NRXN1: variants seen among roughly 807,000 people sequenced by gnomAD.
NRXN1 encodes the protein neurexin-1.
In NRXN1, 39 loss-of-function variants were observed where a neutral mutation model predicts 150.9. The observed-to-expected ratio is 0.26, with a 90% CI of 0.20 to 0.34. The LOEUF is 0.34. NRXN1 is among the 10% of genes least tolerant of loss of function. NRXN1 has a pLI of 1.00. For missense variants in NRXN1, 1,815 were observed against 1,949.9 expected, an observed-to-expected ratio of 0.93 and a Z score of 1.30; for synonymous variants, 924 against 757.0, an observed-to-expected ratio of 1.22 and a Z score of -3.62.
chr2:50,787,302 G>A (rs538044019), intron 5 of NRXN1, among the ~76,000 whole-genome samples: 2 of 152,152 alleles, frequency 1.3e-5, no homozygotes, highest in East Asian at 3.9e-4. Flanking sequence ...GCTCATGCCT[G>A]TAATCCCAAC....
chr2:50,749,859 G>C (rs972312312), intron 5 of NRXN1, among the ~76,000 whole-genome samples: 2 of 151,964 alleles, frequency 1.3e-5, no homozygotes, highest in Non-Finnish European at 2.9e-5. Flanking sequence ...GGCTGAAATG[G>C]AACTGGAAAT....
At chr2:50,872,252 G>C (rs866217538) in intron 5 of NRXN1, among the ~76,000 whole-genome samples, 3 of 151,806 alleles carry the variant, frequency 2.0e-5, no homozygotes, top group Admixed American at 1.3e-4. Flanking sequence ...AGAGATGTGA[G>C]ACCAAAAGAT....
intron 8 of NRXN1, among the ~76,000 whole-genome samples, chr2:50,600,879 G>T (rs931756154): frequency 1.3e-5 from 2 of 151,830 alleles, no homozygotes; most frequent in Non-Finnish European, 2.9e-5. Context: ...ATGACATGAA[G>T]GATTCTGACA....
chr2:50,260,445 A>G (rs1360915148), intron 17 of NRXN1, among the ~76,000 whole-genome samples: 2 of 151,818 alleles, frequency 1.3e-5, no homozygotes, highest in African/African-American at 4.8e-5. Flanking sequence ...GGAAATGATT[A>G]GGTTTTGGGT....
chr2:50,278,316 A>ATG (rs1659180652), intron 17 of NRXN1, among the ~76,000 whole-genome samples: 1 of 107,706 alleles, frequency 9.3e-6, no homozygotes, highest in Non-Finnish European at 1.7e-5. Flanking sequence ...TTATATATAT[A>ATG]TTATATATAT....
At chr2:50,601,734 T>G (rs913863360) in intron 8 of NRXN1, among the ~76,000 whole-genome samples, 4 of 152,218 alleles carry the variant, frequency 2.6e-5, no homozygotes, top group Non-Finnish European at 5.9e-5. Context: ...AAAAACCATT[T>G]CAGTTTATTC....
intron 18 of NRXN1, among the ~76,000 whole-genome samples, chr2:50,178,456 C>T (rs545415831): frequency 1.7e-4 from 26 of 152,030 alleles, no homozygotes; most frequent in Admixed American, 1.4e-3. Flanking sequence ...TACTTTTTTT[C>T]TACAATACCA....
At chr2:50,759,577 A>G (rs1218858367) in intron 5 of NRXN1, among the ~76,000 whole-genome samples, 1 of 151,962 alleles carries the variant, frequency 6.6e-6, no homozygotes, top group Non-Finnish European at 1.5e-5. Flanking sequence ...AAGAAAAAGC[A>G]TTGAAAATAA....
At chr2:50,367,252 G>T (rs1334898153) in intron 17 of NRXN1, among the ~76,000 whole-genome samples, 1 of 151,922 alleles carries the variant, frequency 6.6e-6, no homozygotes, top group African/African-American at 2.4e-5. Context: ...TGCACCTATA[G>T]TCCCCTTCTT....
chr2:50,881,575 C>T (rs1028398695), intron 5 of NRXN1, among the ~76,000 whole-genome samples: 1 of 151,840 alleles, frequency 6.6e-6, no homozygotes, highest in African/African-American at 2.4e-5. Context: ...AAAGGACACA[C>T]AGGGTTTTCT....
chr2:50,757,273 C>T (rs1038475896), intron 5 of NRXN1, among the ~76,000 whole-genome samples: 2 of 151,602 alleles, frequency 1.3e-5, no homozygotes, highest in African/African-American at 4.8e-5. Flanking sequence ...AGCATATACG[C>T]AGACCGCCAC....
chr2:50,384,132 T>C (rs755937856), intron 17 of NRXN1, among the ~76,000 whole-genome samples: 7 of 152,172 alleles, frequency 4.6e-5, no homozygotes, highest in Non-Finnish European at 7.3e-5. Context: ...TTTTCCTAAG[T>C]GACATCAAGC....
At position 50,143,160 on chromosome 2, in the gene NRXN1, A is replaced by G. The variant is rs186204668; in HGVS notation, c.3547-51666T>C. On this transcript the variant is annotated intron_variant, in intron 18 of 22. Transcript: ENST00000401669. ...GGAGAGGAAGAGAAAGGTAGTAAGG[A>G]GGGAAGGAAGGAATGAAGAAAGAAA... 4.7e-3 allele frequency among the ~76,000 whole-genome samples: 708 copies of G among 151,848 alleles called. 4 individuals are homozygous for G. Among genetic ancestry groups the G allele is most frequent in the Middle Eastern group, 0.017 (5 of 294 alleles).
Position 50,594,424 on chromosome 2 carries a change from G to T in NRXN1, c.1320+25598C>A, listed in dbSNP as rs148622981. ...TCAACATGCACATCAGCACTGTCGG[G>T]GAACCTTTAACACCTGTAGGCGTAA... On this transcript the variant is annotated intron_variant, in intron 8 of 22. Transcript: ENST00000401669. Among the ~76,000 whole-genome samples the T allele has an allele frequency of 5.1e-3, 776 of 152,192 alleles. 4 individuals are homozygous for T. The highest frequency in any genetic ancestry group is 7.9e-3 in the Non-Finnish European group (539 of 68,010).
At chr2:50,189,245 T>C (rs1484547067) in intron 18 of NRXN1, among the ~76,000 whole-genome samples, 1 of 152,024 alleles carries the variant, frequency 6.6e-6, no homozygotes, top group Non-Finnish European at 1.5e-5. Context: ...AAACCATCAT[T>C]CTCAGGAAAC....
chr2:50,441,953 CT>C (rs2085991444), intron 17 of NRXN1, among the ~76,000 whole-genome samples: 1 of 152,124 alleles, frequency 6.6e-6, no homozygotes, highest in South Asian at 2.1e-4. Flanking sequence ...TTTCCAAGCA[CT>C]GTTATATGTT....
At chr2:50,783,031 G>T (rs929432590) in intron 5 of NRXN1, among the ~76,000 whole-genome samples, 1 of 151,986 alleles carries the variant, frequency 6.6e-6, no homozygotes, top group African/African-American at 2.4e-5. Context: ...TTTCACCACC[G>T]CCCCATTCTG....
At chr2:50,264,250 A>C (rs929102401) in intron 17 of NRXN1, among the ~76,000 whole-genome samples, 5 of 152,116 alleles carry the variant, frequency 3.3e-5, no homozygotes, top group African/African-American at 1.2e-4. Flanking sequence ...AAAAAAAGAA[A>C]CAAAGAAAAT....
chr2:50,589,608 A>C (rs13023678), intron 8 of NRXN1, among the ~76,000 whole-genome samples: 1,751 of 34,158 alleles, frequency 0.051, 740 homozygotes, highest in Non-Finnish European at 0.12. Context: ...CCCACATCAG[A>C]CTCCCAAAGA....
Sources: allele counts gnomAD v4.1 joint callset (sites outside exome capture counted in the v4.1 genomes callset), GRCh38; gene constraint gnomAD v4.1.1; transcripts MANE v1.5; gene names NCBI Gene and HGNC (gene_info 2026-07-23, HGNC 2026-07-21).